ARHGAP39: variants seen among roughly 807,000 people sequenced by gnomAD.
ARHGAP39 encodes the protein Rho GTPase activating protein 39, also known as rho GTPase-activating protein 39.
ARHGAP39 carries 44 observed loss-of-function variants against 106.9 expected under a neutral mutation model. That is an observed-to-expected ratio of 0.41 (90% CI 0.32 to 0.53). The LOEUF (loss-of-function observed/expected upper bound fraction) is 0.53. ARHGAP39 is among the 20% of genes least tolerant of loss of function. The probability of loss-of-function intolerance (pLI) is 0.21; values close to 1 mark genes in which losing one functional copy is unlikely to be tolerated. For synonymous variants in ARHGAP39, 768 were observed against 693.2 expected (o/e 1.11, Z -1.69); for missense variants, 1,496 against 1,577.3 (o/e 0.95, Z 0.87).
chr8:144,689,741 ATTT>A (rs71320838), upstream of ARHGAP39, among the ~76,000 whole-genome samples: 3 of 119,908 alleles, frequency 2.5e-5, no homozygotes, highest in African/African-American at 3.2e-5. Context: ...CACCTGACTA[ATTT>A]TTTTTTTTTT....
chr8:144,683,392 G>C (rs1822480983), intron 1 of ARHGAP39: 1 of 144,152 alleles, frequency 6.9e-6, no homozygotes, highest in Non-Finnish European at 1.5e-5. Flanking sequence ...CTGTCACCCA[G>C]GCTGGAGTGC....
At chr8:144,561,608 TCCAGTGGTTTCCATCGGACC>T (rs1339783729) in intron 3 of ARHGAP39, among the ~76,000 whole-genome samples, 100 of 74,702 alleles carry the variant, frequency 1.3e-3, no homozygotes, top group Middle Eastern at 0.01. Flanking sequence ...TCCATCGCGC[TCCAGTGGTTTCCATCGGACC>T]CCAGTGGTTT....
chr8:144,699,152 G>C, the ARHGAP39 span: 1 of 279,178 alleles, frequency 3.6e-6, no homozygotes, highest in South Asian at 3.0e-5. Flanking sequence ...TAAGCCCTGG[G>C]AGATGGGGCA....
In ARHGAP39 at chr8:144,547,425, A is replaced by C; in HGVS notation, c.1661T>G (p.Leu554Arg). The change falls in exon 5 of 12, where the codon CTG becomes CGG. Residue 554 changes from leucine to arginine, a missense_variant. Around this residue, in one of 4 missense-constraint regions of ARHGAP39, gnomAD observed 905 missense variants for 816.4 expected, o/e 1.11. Transcript: ENST00000377307. The surrounding 1 kb of genome is among the most constrained non-coding windows in gnomAD (Gnocchi z 5.2). ...CTCCCAGGCCAGCCGAGCCTGCGCC[A>C]GGAAGGGCTCGGCCGCGCCCCGCGC... ...EGARGAAEPF[L>R]AQARLAWEAQ... 6.3e-7 allele frequency: 1 copy of C among 1,590,210 alleles called. No individual in the cohort carries two copies. The highest frequency in any genetic ancestry group is 8.5e-7 in the Non-Finnish European group (1 of 1,175,072).
At chr8:144,622,650 C>T (rs574444947) in intron 1 of ARHGAP39, among the ~76,000 whole-genome samples, 1 of 152,308 alleles carries the variant, frequency 6.6e-6, no homozygotes, top group East Asian at 1.9e-4. Flanking sequence ...CAGCTTTGAC[C>T]AGACCTTTAA....
At chr8:144,676,031 CT>C (rs1822228219) in intron 1 of ARHGAP39, among the ~76,000 whole-genome samples, 3 of 152,280 alleles carry the variant, frequency 2.0e-5, no homozygotes, top group African/African-American at 7.2e-5. Context: ...AGCTGCAGAC[CT>C]TCTCGGTGAG....
At chr8:144,571,003 C>CA (rs1352862647) in intron 3 of ARHGAP39, among the ~76,000 whole-genome samples, 2 of 151,968 alleles carry the variant, frequency 1.3e-5, no homozygotes, top group African/African-American at 2.4e-5. Flanking sequence ...GCCTACCAAC[C>CA]AAAAAAAGTC....
chr8:144,624,362 G>A (rs568734741), intron 1 of ARHGAP39, among the ~76,000 whole-genome samples: 1 of 4,738 alleles, frequency 2.1e-4, no homozygotes, highest in East Asian at 4.8e-4. Context: ...GAATAAAGAG[G>A]AAAGAGGAAG....
rs576863964 is a variant in ARHGAP39 at position 144,605,870 on chromosome 8, G to T, written c.-81-175C>A. ...CTCAGTGCTCCTGATGCCTGGCCCTGCGTTGCAGCGAAGCCTGGCCAGCCC... is the reference window on the plus strand; with the variant it reads ...CTCAGTGCTCCTGATGCCTGGCCCTTCGTTGCAGCGAAGCCTGGCCAGCCC... On this transcript the variant is annotated intron_variant, in intron 1 of 11. Transcript: ENST00000377307. The T allele has an allele frequency of 3.0e-5, 16 of 530,720 alleles. No individual in the cohort carries two copies. The South Asian group carries it at 3.4e-4, about 11-fold the overall frequency. 32.9% of individuals were successfully genotyped at this position (530,720 alleles called of 1,614,324 possible).
At chr8:144,659,733 T>C (rs1821777931) in intron 1 of ARHGAP39, among the ~76,000 whole-genome samples, 1 of 152,214 alleles carries the variant, frequency 6.6e-6, no homozygotes, top group East Asian at 1.9e-4. Context: ...CACTGACACA[T>C]GCTCTCTGCA....
chr8:144,578,903 T>C (rs1457272989), intron 3 of ARHGAP39, among the ~76,000 whole-genome samples: 1 of 151,784 alleles, frequency 6.6e-6, no homozygotes, highest in African/African-American at 2.4e-5. Flanking sequence ...TTTCAAATGA[T>C]ACCATCAAGA....
intron 2 of ARHGAP39, among the ~76,000 whole-genome samples, chr8:144,598,781 G>A (rs908287242): frequency 1.2e-4 from 19 of 152,152 alleles, no homozygotes; most frequent in Non-Finnish European, 2.9e-5. Flanking sequence ...TGGCCAACCT[G>A]ACTACACAAA....
intron 6 of ARHGAP39, among the ~76,000 whole-genome samples, chr8:144,543,238 G>A (rs1443597899): frequency 6.6e-6 from 1 of 152,170 alleles, no homozygotes; most frequent in Non-Finnish European, 1.5e-5. Context: ...GGCCCAGAGT[G>A]CTGGGATTCC....
intron 1 of ARHGAP39, among the ~76,000 whole-genome samples, chr8:144,653,398 A>G (rs780926756): frequency 7.9e-5 from 12 of 152,214 alleles, no homozygotes; most frequent in Non-Finnish European, 1.6e-4. Flanking sequence ...AGTAAAAGGA[A>G]CAGTCCATCA....
At chr8:144,533,382 C>A in intron 8 of ARHGAP39, 57 bp from the exon 9 acceptor site, 1 of 1,554,250 alleles carries the variant, frequency 6.4e-7, no homozygotes, top group Non-Finnish European at 8.8e-7. Context: ...GACCCCCCGC[C>A]ACCCCGGTTG....
chr8:144,601,133 C>T (rs1415502082), intron 2 of ARHGAP39, among the ~76,000 whole-genome samples: 7 of 115,434 alleles, frequency 6.1e-5, no homozygotes, highest in Non-Finnish European at 8.6e-5. Flanking sequence ...TGCATGGAGG[C>T]GTGCATGTGT....
At chr8:144,619,583 A>C (rs757119943) in intron 1 of ARHGAP39, among the ~76,000 whole-genome samples, 1 of 134,154 alleles carries the variant, frequency 7.5e-6, no homozygotes, top group East Asian at 2.3e-4. Flanking sequence ...TGTGTGTGAG[A>C]CTGTGTGTCC....
intron 3 of ARHGAP39, among the ~76,000 whole-genome samples, chr8:144,562,019 CACACTCCAGT>C (rs1470465191): frequency 6.6e-6 from 1 of 150,498 alleles, no homozygotes; most frequent in African/African-American, 2.5e-5. Context: ...TGGTTTCCAT[CACACTCCAGT>C]GGTTTCCATC....
At chr8:144,544,231 G>C (rs1459624911) in intron 6 of ARHGAP39, among the ~76,000 whole-genome samples, 2 of 152,258 alleles carry the variant, frequency 1.3e-5, no homozygotes, top group Admixed American at 6.5e-5. Flanking sequence ...GATGGGCTGG[G>C]TGGTGCCTAT....
Sources: gnomAD v4.1 joint callset for allele counts (sites outside exome capture counted in the v4.1 genomes callset) on GRCh38, gnomAD v4.1.1 for gene constraint, gnomAD v4.1.1 regional missense constraint, Gnocchi (gnomAD v3.1) non-coding constraint, MANE v1.5 for transcripts, NCBI Gene and HGNC (gene_info 2026-07-23, HGNC 2026-07-21) for gene names.